ST3GAL6: variants seen among roughly 807,000 people sequenced by gnomAD.
ST3GAL6 encodes ST3 beta-galactoside alpha-2,3-sialyltransferase 6.
Under a neutral mutation model 40.5 loss-of-function variants are expected in ST3GAL6, and 31 were observed. The observed-to-expected ratio is 0.77, with a 90% confidence interval of 0.58 to 1.03. The LOEUF is 1.03. Among genes scored for constraint, ST3GAL6 ranks in the 50% least tolerant of loss-of-function variants. The probability of loss-of-function intolerance (pLI) is 0.00; values close to 1 mark genes in which losing one functional copy is unlikely to be tolerated. For missense variants in ST3GAL6, 357 were observed against 393.2 expected (o/e 0.91, Z 0.78); for synonymous variants, 129 against 136.9 (o/e 0.94, Z 0.40).
intron 1 of ST3GAL6, among the ~76,000 whole-genome samples, chr3:98,744,094 G>A (rs1267625312): frequency 6.6e-6 from 1 of 152,184 alleles, no homozygotes; most frequent in East Asian, 1.9e-4. Context: ...CGTGAAGACA[G>A]AGAATTGTAG....
chr3:98,788,326 A>G lies in ST3GAL6; in HGVS notation c.619A>G (p.Asn207Asp). 6.2e-7 allele frequency: 1 copy of G among 1,603,930 alleles called. No homozygotes were observed. The highest frequency in any genetic ancestry group is 8.5e-7 in the Non-Finnish European group (1 of 1,176,788). Residue 207 changes from asparagine to aspartate, a missense_variant and splice_region_variant, in exon 8 of 10, where the codon AAC (asparagine) becomes GAC (aspartate). Coordinates refer to ENST00000483910, the MANE Select transcript of ST3GAL6 (RefSeq NM_001323368.2). ...TATTCTCTATATTTTTTACTTTCAG[A>G]ACACTAATGGTTTTTGGAAGAAACC... is the stretch of plus-strand genomic sequence containing the variant. ...LLELLMGDKI[N>D]TNGFWKKPAL... is the part of the protein sequence containing the mutation.
rs1048079377 is a variant in ST3GAL6, at chr3:98,733,206, G to A, written c.-12+674G>A. On this transcript the variant is annotated intron_variant, in intron 1 of 9. Transcript: ENST00000265261. Reference sequence around the variant, plus strand: ...GCGTGCGGAGGCGTAAAGGGACCATGGGCGCTGGGACCCGCGAGCCAGCCG... The same window carrying A: ...GCGTGCGGAGGCGTAAAGGGACCATAGGCGCTGGGACCCGCGAGCCAGCCG... 133 of 937,288 alleles carry A rather than the reference G, an allele frequency of 1.4e-4. 1 individual carries two copies. The highest frequency in any genetic ancestry group is 1.6e-4 in the Non-Finnish European group (124 of 786,144). The allele number at this position is 937,288 out of a possible 1,614,324, so 58.1% of individuals were successfully genotyped here.
chr3:98,758,189 C>T (rs1281899378), intron 1 of ST3GAL6, among the ~76,000 whole-genome samples: 1 of 152,150 alleles, frequency 6.6e-6, no homozygotes, highest in Non-Finnish European at 1.5e-5. Context: ...ATTCTTCTGT[C>T]CTTATTCTCT....
rs908527980 is a variant in ST3GAL6 at position 98,767,362 on chromosome 3, A to G, written c.-11-1068A>G. Among the ~76,000 whole-genome samples, 19 of 152,256 alleles carry G rather than the reference A, an allele frequency of 1.2e-4. 1 individual carries two copies. Among genetic ancestry groups the G allele is most frequent in the Non-Finnish European group, 1.5e-5 (1 of 68,044 alleles). The stretch of plus-strand genomic sequence containing the variant: ...AAGGCAAAGGGAGTGGTTTATTTTA[A>G]GATTTCCATTTGAACATATTTACCA... On this transcript the variant is annotated intron_variant, in intron 1 of 9. Coordinates refer to ENST00000483910, the MANE Select transcript of ST3GAL6 (RefSeq NM_001323368.2).
chr3:98,757,858 C>G (rs1020442009), intron 1 of ST3GAL6, among the ~76,000 whole-genome samples: 3 of 149,072 alleles, frequency 2.0e-5, no homozygotes, highest in African/African-American at 7.4e-5. Flanking sequence ...TTTTTTGAGA[C>G]GGAGTCTTGC....
rs1940930846 is a variant in ST3GAL6, at chr3:98,788,411, G to A, written c.704G>A (p.Arg235Lys). 6.2e-7 allele frequency: 1 copy of A among 1,613,092 alleles called. No individual in the cohort carries two copies. Among genetic ancestry groups the A allele is most frequent in the Non-Finnish European group, 8.5e-7 (1 of 1,179,742 alleles). The stretch of plus-strand genomic sequence containing the variant: ...CGAATATTAGATCCTTTCATTATCA[G>A]AACAGCAGCTTATGAACTGCTTCAT... The part of the protein sequence containing the change: ...QIRILDPFII[R>K]TAAYELLHFP... Residue 235 changes from arginine (R) to lysine (K), a missense_variant, in exon 8 of 10, where the codon AGA becomes AAA. By Grantham distance (26) the Arg-to-Lys change is conservative. Transcript: ENST00000483910.
upstream of ST3GAL6, among the ~76,000 whole-genome samples, chr3:98,761,544 A>G (rs1937767492): frequency 6.7e-6 from 1 of 149,926 alleles, no homozygotes; most frequent in South Asian, 2.1e-4. Flanking sequence ...CGGGTGGTGG[A>G]GGTTGCAGTG....
intron 1 of ST3GAL6, among the ~76,000 whole-genome samples, chr3:98,738,891 G>C (rs11923134): frequency 0.34 from 51,726 of 151,910 alleles, 9,467 homozygotes; most frequent in African/African-American, 0.44. Context: ...CAAAATGACA[G>C]AATATACATT....
At chr3:98,743,070 G>A (rs973361572) in intron 1 of ST3GAL6, among the ~76,000 whole-genome samples, 5 of 142,100 alleles carry the variant, frequency 3.5e-5, no homozygotes, top group Non-Finnish European at 6.0e-5. Flanking sequence ...ATATCGTGGT[G>A]CAATCTTGGC....
chr3:98,762,073 T>G (rs1937835739), upstream of ST3GAL6, among the ~76,000 whole-genome samples: 2 of 118,320 alleles, frequency 1.7e-5, no homozygotes, highest in African/African-American at 3.2e-5. Flanking sequence ...TGTCTACATG[T>G]GCTAAGGACA....
At chr3:98,754,581 T>A (rs958377164) in intron 1 of ST3GAL6, among the ~76,000 whole-genome samples, 17 of 152,218 alleles carry the variant, frequency 1.1e-4, no homozygotes, top group African/African-American at 3.6e-4. Flanking sequence ...GGATTGACTG[T>A]AATTTTGAAA....
chr3:98,792,059 A>G (rs750822052), intron 9 of ST3GAL6, 66 bp downstream of exon 9: 374 of 1,403,164 alleles, frequency 2.7e-4, no homozygotes, highest in Non-Finnish European at 3.3e-4. Flanking sequence ...TGGAAAGCCC[A>G]TATTTTCTCT....
intron 1 of ST3GAL6, among the ~76,000 whole-genome samples, chr3:98,743,201 C>A (rs828593): frequency 0.41 from 61,821 of 150,882 alleles, 12,993 homozygotes; most frequent in Middle Eastern, 0.57. Flanking sequence ...TGTATTTTTC[C>A]TGGAGATGGG....
chr3:98,773,460 G>T (rs1397124764), intron 4 of ST3GAL6: 1 of 153,402 alleles, frequency 6.5e-6, no homozygotes. Context: ...GATTTTTGAG[G>T]GATCATAAAA....
intron 5 of ST3GAL6, chr3:98,782,726 G>A (rs769531183): frequency 6.1e-5 from 29 of 478,364 alleles, no homozygotes; most frequent in Non-Finnish European, 9.4e-5. Context: ...GGCCAATGGC[G>A]TGTCCATAGA....
At chr3:98,765,376 A>G (rs1938213421) in intron 1 of ST3GAL6, among the ~76,000 whole-genome samples, 1 of 152,326 alleles carries the variant, frequency 6.6e-6, no homozygotes, top group Non-Finnish European at 1.5e-5. Flanking sequence ...CAGACAACTC[A>G]ACCTTATAAA....
At chr3:98,747,180 C>A (rs749332516) in intron 1 of ST3GAL6, among the ~76,000 whole-genome samples, 1 of 152,130 alleles carries the variant, frequency 6.6e-6, no homozygotes, top group Admixed American at 6.5e-5. Flanking sequence ...TTCTTCAATG[C>A]GCTCATTTTT....
chr3:98,741,314 A>G (rs1400986100), intron 1 of ST3GAL6, among the ~76,000 whole-genome samples: 1 of 152,026 alleles, frequency 6.6e-6, no homozygotes, highest in African/African-American at 2.4e-5. Context: ...CTCCTATGTC[A>G]TCATCCAGAT....
At chr3:98,752,886 C>A (rs1306234863) in intron 1 of ST3GAL6, among the ~76,000 whole-genome samples, 1 of 152,140 alleles carries the variant, frequency 6.6e-6, no homozygotes, top group Non-Finnish European at 1.5e-5. Flanking sequence ...GACCACCGAC[C>A]AGTTTTTTCC....
Sources: gnomAD v4.1 joint callset for allele counts (sites outside exome capture counted in the v4.1 genomes callset) on GRCh38, gnomAD v4.1.1 for gene constraint, MANE v1.5 for transcripts, NCBI Gene and HGNC (gene_info 2026-07-23, HGNC 2026-07-21) for gene names.